TYMS: variants seen among roughly 807,000 people sequenced by gnomAD.
TYMS encodes the protein thymidylate synthetase.
TYMS carries 21 observed loss-of-function variants against 39.3 expected under a neutral mutation model. The ratio of observed to expected loss-of-function variants is 0.54; its 90% CI spans 0.38 to 0.77. TYMS has a LOEUF of 0.77. TYMS is among the 30% of genes least tolerant of loss of function. TYMS has a pLI of 0.00. For missense variants in TYMS, 273 were observed against 406.7 expected, an observed-to-expected ratio of 0.67 and a Z score of 2.83; for synonymous variants, 171 against 162.2, an observed-to-expected ratio of 1.05 and a Z score of -0.41.
chr18:658,228 G>A lies in TYMS; in HGVS notation c.205+281G>A, dbSNP rs1368046553. ...TCGCAGTCGCCCCAGTGATGCCGTG[G>A]CCCCCGAGGCGGGCGTCATCGGGCA... On this transcript the variant is annotated intron_variant, in intron 1 of 6. Coordinates refer to ENST00000323274, the MANE Select transcript of TYMS (RefSeq NM_001071.4). This position sits in a 1 kb window ranked among gnomAD's most constrained non-coding sequence, Gnocchi z 4.5. 6 of 1,506,214 alleles carry A rather than the reference G, an allele frequency of 4.0e-6. No individual in the cohort carries two copies. Among genetic ancestry groups the A allele is most frequent in the South Asian group, 2.4e-5 (2 of 83,524 alleles). 93.3% of individuals were successfully genotyped at this position (1,506,214 alleles called of 1,614,324 possible). A position where few individuals can be genotyped will look rare whatever the true frequency, so the allele number is the denominator to read the frequency against.
intron 4 of TYMS, among the ~76,000 whole-genome samples, chr18:669,787 T>G (rs2074950824): frequency 6.6e-6 from 1 of 152,172 alleles, no homozygotes; most frequent in East Asian, 1.9e-4. Flanking sequence ...ACAATTATAT[T>G]GTAAAATTCA....
intron 3 of TYMS, among the ~76,000 whole-genome samples, chr18:667,151 ATGGTGATGGAGATGGTGATGGTGATGGT>A: frequency 1.0e-5 from 1 of 99,734 alleles, no homozygotes; most frequent in Non-Finnish European, 1.9e-5. Flanking sequence ...GGTGATGGTG[ATGGTGATGGAGATGGTGATGGTGATGGT>A]GATGGTGATG....
At chr18:666,593 G>A (rs2074820111) in intron 3 of TYMS, among the ~76,000 whole-genome samples, 2 of 152,192 alleles carry the variant, frequency 1.3e-5, no homozygotes, top group South Asian at 4.1e-4. Flanking sequence ...CTGGAGAGCA[G>A]GTGTCTCATC....
chr18:669,929 T>C (rs902234449), intron 4 of TYMS, among the ~76,000 whole-genome samples: 15 of 151,940 alleles, frequency 9.9e-5, no homozygotes, highest in Middle Eastern at 3.4e-3. Context: ...GCCATTGCAC[T>C]CCAGCCTGGG....
chr18:659,050 A>G, intron 1 of TYMS, among the ~76,000 whole-genome samples: 1 of 152,228 alleles, frequency 6.6e-6, no homozygotes, highest in Admixed American at 6.5e-5. Context: ...CTTTCTGCTT[A>G]GACATTGAGC....
chr18:658,513 A>G lies in TYMS; in HGVS notation c.205+566A>G. 1 of 335,192 alleles carries G rather than the reference A, an allele frequency of 3.0e-6. No homozygotes were observed. Among genetic ancestry groups the G allele is most frequent in the Non-Finnish European group, 5.4e-6 (1 of 184,392 alleles). 20.8% of individuals were successfully genotyped at this position (335,192 alleles called of 1,614,324 possible). A position where few individuals can be genotyped will look rare whatever the true frequency, so the allele number is the denominator to read the frequency against. On this transcript the variant is annotated intron_variant, in intron 1 of 6. Coordinates refer to ENST00000323274, the MANE Select transcript of TYMS (RefSeq NM_001071.4). The surrounding 1 kb of genome is among the most constrained non-coding windows in gnomAD (Gnocchi z 4.5). ...GAACCAGCTTTCCTCTTAAACCTTG[A>G]AAAGAGAAATTCGGGAGTTCGAGTA...
Position 673,233 on chromosome 18 carries a change from T to C in TYMS, c.*236T>C, listed in dbSNP as rs149631628. 8.3e-6 allele frequency: 3 copies of C among 362,482 alleles called. No homozygotes were observed. Among genetic ancestry groups the C allele is most frequent in the Non-Finnish European group, 1.5e-5 (3 of 201,678 alleles). 22.5% of individuals were successfully genotyped at this position (362,482 alleles called of 1,614,324 possible). The stretch of plus-strand genomic sequence containing the variant: ...AGGGTATCTGACAATGCTGAGGTTA[T>C]GAACAAAGTGAGGAGAATGAAATGT... On this transcript the variant is annotated 3_prime_UTR_variant, in exon 7 of 7. Transcript: ENST00000323274.
In TYMS at chr18:658,947, C is replaced by T. The variant is rs1263011306; in HGVS notation, c.206-694C>T. Among the ~76,000 whole-genome samples, 3 of 152,168 alleles carry T rather than the reference C, an allele frequency of 2.0e-5. No individual in the cohort carries two copies. The highest frequency in any genetic ancestry group is 2.9e-5 in the Non-Finnish European group (2 of 68,034). Reference sequence around the variant, plus strand: ...GCTGTGGCTGATTGGCGTGGGACAGCGTGGGGAGTTTTGTCTGAGGAGAGG... The same window carrying T: ...GCTGTGGCTGATTGGCGTGGGACAGTGTGGGGAGTTTTGTCTGAGGAGAGG... On this transcript the variant is annotated intron_variant, in intron 1 of 6. Coordinates refer to ENST00000323274, the MANE Select transcript of TYMS (RefSeq NM_001071.4). The surrounding 1 kb of genome is among the most constrained non-coding windows in gnomAD (Gnocchi z 4.5).
intron 3 of TYMS, among the ~76,000 whole-genome samples, chr18:665,086 A>G (rs1477368342): frequency 6.6e-6 from 1 of 151,992 alleles, no homozygotes; most frequent in Non-Finnish European, 1.5e-5. Flanking sequence ...TAGTTTCAGA[A>G]GGAATGGTAC....
intron 4 of TYMS, among the ~76,000 whole-genome samples, chr18:670,108 A>G (rs1057468032): frequency 6.8e-6 from 1 of 147,316 alleles, no homozygotes; most frequent in African/African-American, 2.5e-5. Context: ...CAGTGGTGTG[A>G]TCTCCGCTCA....
intron 3 of TYMS, 119 bp from the exon 4 acceptor site, chr18:668,953 G>A (rs1359757155): frequency 1.4e-6 from 1 of 728,268 alleles, no homozygotes; most frequent in African/African-American, 1.8e-5. Flanking sequence ...CAGATGTCTT[G>A]TAGCCATGGG....
In TYMS at chr18:658,663, G is replaced by C. The variant is rs2074721876; in HGVS notation, c.205+716G>C. The C allele has an allele frequency of 3.6e-6, 1 of 275,330 alleles. No homozygotes were observed. The highest frequency in any genetic ancestry group is 3.3e-5 in the South Asian group (1 of 30,642). 17.1% of individuals were successfully genotyped at this position (275,330 alleles called of 1,614,324 possible). On this transcript the variant is annotated intron_variant, in intron 1 of 6. Transcript: ENST00000323274. This position sits in a 1 kb window ranked among gnomAD's most constrained non-coding sequence, Gnocchi z 4.5. ...GGGCGGGGCGGGGTGGGCACAGGAC[G>C]TTAGGCAGCCGTTGGCCCTCCCTAA... is the stretch of plus-strand genomic sequence containing the variant.
chr18:666,375 G>C (rs1318581318), intron 3 of TYMS, among the ~76,000 whole-genome samples: 1 of 152,078 alleles, frequency 6.6e-6, no homozygotes, highest in Non-Finnish European at 1.5e-5. Context: ...CGCAGTGCCA[G>C]GGTCACACTC....
At position 662,270 on chromosome 18, in the gene TYMS, A is replaced by G. The variant is rs2074763990; in HGVS notation, c.404A>G (p.Tyr135Cys). ...TREEGDLGPVYGFQWRHFGAE... is the reference protein window; with the variant it reads ...TREEGDLGPVCGFQWRHFGAE... ...GAAGAAGGGGACTTGGGCCCAGTTT[A>G]TGGCTTCCAGTGGAGGCATTTTGGG... The change falls in exon 3 of 7, where the codon TAT (tyrosine) becomes TGT (cysteine). Residue 135 changes from tyrosine to cysteine, a missense_variant. Tyr to Cys is a radical substitution (Grantham distance 194, BLOSUM62 -2). This residue lies in a region of TYMS where 228 missense variants were observed against 326.1 expected (regional missense o/e 0.70). Transcript: ENST00000323274. 1.2e-6 allele frequency: 2 copies of G among 1,613,862 alleles called. No individual in the cohort carries two copies. The highest frequency in any genetic ancestry group is 1.3e-5 in the African/African-American group (1 of 74,912).
chr18:664,996 C>T (rs1431587833), intron 3 of TYMS, among the ~76,000 whole-genome samples: 1 of 151,240 alleles, frequency 6.6e-6, no homozygotes, highest in Non-Finnish European at 1.5e-5. Context: ...GGTTGTGTCT[C>T]TGCCCAGCTT....
chr18:661,127 G>T (rs1230243308), intron 2 of TYMS, among the ~76,000 whole-genome samples: 3 of 152,182 alleles, frequency 2.0e-5, no homozygotes, highest in Non-Finnish European at 2.9e-5. Context: ...ATTGAGAAAT[G>T]ATTTGTTGGA....
intron 3 of TYMS, among the ~76,000 whole-genome samples, chr18:667,157 ATGGAGATGGT>A (rs1567990105): frequency 3.1e-5 from 3 of 95,542 alleles, no homozygotes; most frequent in Non-Finnish European, 5.9e-5. Flanking sequence ...GGTGATGGTG[ATGGAGATGGT>A]GATGGTGATG....
rs564693080 is a variant in TYMS, at chr18:670,114, G to A, written c.557-578G>A. Among the ~76,000 whole-genome samples the A allele has an allele frequency of 8.7e-5, 13 of 149,492 alleles. 1 individual carries two copies. The South Asian group carries it at 1.1e-3, about 12-fold the overall frequency. ...GCTGGAGTGCAGTGGTGTGATCTCC[G>A]CTCACGGCAACCTCCATCTCCCAGG... On this transcript the variant is annotated intron_variant, in intron 4 of 6. Coordinates refer to ENST00000323274, the MANE Select transcript of TYMS (RefSeq NM_001071.4).
Position 658,755 on chromosome 18 carries a change from G to C in TYMS, c.205+808G>C, listed in dbSNP as rs2074723414. On this transcript the variant is annotated intron_variant, in intron 1 of 6. Coordinates refer to ENST00000323274, the MANE Select transcript of TYMS (RefSeq NM_001071.4). The surrounding 1 kb of genome is among the most constrained non-coding windows in gnomAD (Gnocchi z 4.5). ...CGGGGGAGGGGACTCGAAGGTGTGT[G>C]AGCCAGGGGCTGACCTTGACCGCTC... 4.7e-6 allele frequency: 1 copy of C among 210,528 alleles called. No homozygotes were observed. The highest frequency in any genetic ancestry group is 7.0e-5 in the South Asian group (1 of 14,280). The allele number at this position is 210,528 out of a possible 1,614,324, so 13.0% of individuals were successfully genotyped here.
Sources: allele counts gnomAD v4.1 joint callset (sites outside exome capture counted in the v4.1 genomes callset), GRCh38; gene constraint gnomAD v4.1.1; regional missense constraint gnomAD v4.1.1; non-coding constraint Gnocchi (gnomAD v3.1); transcripts MANE v1.5; gene names NCBI Gene and HGNC (gene_info 2026-07-23, HGNC 2026-07-21).